Variants in PER3 observed in about 807,000 individuals in gnomAD.
PER3 encodes the protein period circadian regulator 3.
A neutral mutation model predicts 127.2 loss-of-function variants in PER3; 107 were observed. The observed-to-expected ratio is 0.84, with a 90% CI of 0.72 to 0.99. The LOEUF is 0.99. Ranked by LOEUF, PER3 falls within the 50% of genes least tolerant of loss-of-function variation. The pLI, the probability that PER3 is intolerant of heterozygous loss-of-function variation, is 0.00. For missense variants in PER3, 1,560 were observed against 1,525.8 expected (o/e 1.02, Z -0.37); for synonymous variants, 618 against 585.8 (o/e 1.05, Z -0.79).
intron 3 of PER3, 71 bp from the exon 4 acceptor site, chr1:7,786,650 A>C: frequency 2.5e-6 from 2 of 805,370 alleles, no homozygotes; most frequent in Non-Finnish European, 4.4e-6. Context: ...ATCCAGCTTG[A>C]TAGTGATGAA....
intron 13 of PER3, among the ~76,000 whole-genome samples, chr1:7,816,799 C>T (rs181672027): frequency 6.6e-6 from 1 of 152,320 alleles, no homozygotes; most frequent in Admixed American, 6.5e-5. Context: ...TACCATGTAA[C>T]TTAGCAATTC....
Position 7,784,731 on chromosome 1 carries a change from C to T in PER3, c.-147C>T, listed in dbSNP as rs144473261. 1.3e-3 allele frequency: 1,002 copies of T among 761,636 alleles called. 10 individuals are homozygous for T. The African/African-American group carries it at 0.017, about 13-fold the overall frequency. The allele number at this position is 761,636 out of a possible 1,614,324, so 47.2% of individuals were successfully genotyped here. On this transcript the variant is annotated 5_prime_UTR_variant, in exon 2 of 22. Coordinates refer to ENST00000377532, the MANE Select transcript of PER3 (RefSeq NM_001377275.1). ...AAAGCTCCTCGGAGATGAGCGTGAC[C>T]CCCTGGCTCGTGGTGGCCGCCTGTT...
intron 16 of PER3, among the ~76,000 whole-genome samples, chr1:7,822,501 C>T (rs935763457): frequency 9.2e-5 from 14 of 152,262 alleles, no homozygotes; most frequent in African/African-American, 3.4e-4. Flanking sequence ...GATCCGCCCA[C>T]CTTGGCCTCC....
At chr1:7,800,279 C>T (rs1196679691) in intron 7 of PER3, among the ~76,000 whole-genome samples, 2 of 151,572 alleles carry the variant, frequency 1.3e-5, no homozygotes, top group Non-Finnish European at 2.9e-5. Flanking sequence ...ACGATCTCAG[C>T]TCACTGCAAC....
At chr1:7,796,643 G>A (rs1185155611) in intron 6 of PER3, among the ~76,000 whole-genome samples, 1 of 152,006 alleles carries the variant, frequency 6.6e-6, no homozygotes, top group Non-Finnish European at 1.5e-5. Context: ...TGAAAGACTG[G>A]TGTTGGCTGC....
At chr1:7,821,326 T>C (rs1344864977) in intron 16 of PER3, among the ~76,000 whole-genome samples, 1 of 152,252 alleles carries the variant, frequency 6.6e-6, no homozygotes, top group African/African-American at 2.4e-5. Context: ...TGTGTGCCAC[T>C]GTCTGCTCTT....
At chr1:7,839,053 AGTTG>A (rs1312648626) in intron 21 of PER3, among the ~76,000 whole-genome samples, 2 of 151,648 alleles carry the variant, frequency 1.3e-5, no homozygotes, top group Non-Finnish European at 2.9e-5. Context: ...TTTTGTGTTT[AGTTG>A]GTTTTTTGAA....
chr1:7,794,965 A>G (rs977135656), intron 6 of PER3, among the ~76,000 whole-genome samples: 2 of 152,092 alleles, frequency 1.3e-5, no homozygotes, highest in Non-Finnish European at 2.9e-5. Flanking sequence ...TGACATTGTG[A>G]TTGCCAGTTT....
At chr1:7,798,801 C>G in intron 7 of PER3, 128 bp downstream of exon 7, 1 of 691,678 alleles carries the variant, frequency 1.4e-6, no homozygotes. Flanking sequence ...ACTCTTCAGG[C>G]ATTTGAAGCT....
At position 7,798,616 on chromosome 1, in the gene PER3, T is replaced by C. The variant is rs2097156428; in HGVS notation, c.736T>C (p.Leu246=). ...TGTACATCACCCTGCCCAGCCAGAA[T>C]TGGAATCGGAACCTTGCTGTCTCAC... ...IHVHHPAQPE[L]ESEPCCLTVV... is the part of the protein sequence containing the mutation. The change falls in exon 7 of 22, where the codon TTG becomes CTG. Residue 246 remains leucine (L), a synonymous_variant. Transcript: ENST00000377532. The C allele has an allele frequency of 1.9e-6, 3 of 1,613,714 alleles. No individual in the cohort carries two copies. The highest frequency in any genetic ancestry group is 1.1e-5 in the South Asian group (1 of 91,068).
intron 6 of PER3, among the ~76,000 whole-genome samples, chr1:7,795,317 A>G (rs1443211010): frequency 6.6e-6 from 1 of 152,208 alleles, no homozygotes; most frequent in East Asian, 1.9e-4. Flanking sequence ...CGTACCTTAA[A>G]TTCTGTGAGG....
At chr1:7,798,445 A>C in intron 6 of PER3, 80 bp from the exon 7 acceptor site, 3 of 1,106,580 alleles carry the variant, frequency 2.7e-6, no homozygotes, top group Non-Finnish European at 3.9e-6. Context: ...AATTACCAAT[A>C]AAATATTTCT....
chr1:7,804,659 CAG>C, intron 10 of PER3, among the ~76,000 whole-genome samples: 1 of 152,102 alleles, frequency 6.6e-6, no homozygotes, highest in South Asian at 2.1e-4. Flanking sequence ...CTCAGCCTCC[CAG>C]AGTGCTGGAA....
chr1:7,815,755 G>A (rs1297428995), intron 13 of PER3, among the ~76,000 whole-genome samples: 2 of 151,876 alleles, frequency 1.3e-5, no homozygotes, highest in African/African-American at 4.8e-5. Flanking sequence ...GGGGGCCGAG[G>A]TGGGCAGATC....
intron 9 of PER3, 134 bp downstream of exon 9, chr1:7,803,287 T>C (rs1323247724): frequency 1.5e-6 from 1 of 686,126 alleles, no homozygotes; most frequent in East Asian, 2.6e-5. Flanking sequence ...AATTGTTTTC[T>C]ATTTAAACAT....
Position 7,829,225 on chromosome 1 carries a change from A to G in PER3, c.2887-609A>G, listed in dbSNP as rs141877229. On this transcript the variant is annotated intron_variant, in intron 18 of 21. Coordinates refer to ENST00000377532, the MANE Select transcript of PER3 (RefSeq NM_001377275.1). ...GTATGTTTTTTCCTAAACATACTAT[A>G]CATATCTATGGTAAAGTTTAATTGA... is the stretch of plus-strand genomic sequence containing the variant. Among the ~76,000 whole-genome samples, 13 of 152,330 alleles carry G rather than the reference A, an allele frequency of 8.5e-5. No homozygotes were observed. In the East Asian group the frequency reaches 2.5e-3, roughly 29 times the overall value.
chr1:7,835,741 T>C (rs776075305), intron 19 of PER3, 21 bp from the exon 20 acceptor site: 1 of 1,564,808 alleles, frequency 6.4e-7, no homozygotes, highest in Admixed American at 1.7e-5. Context: ...TTTCTAATTA[T>C]GTGTTGTTGA....
chr1:7,810,555 C>CCGAATGGTGGTGGTGAGTCAG lies in PER3; in HGVS notation c.1512_1522+10dup. On this transcript the variant is annotated inframe_insertion, in exon 13 of 22. Transcript: ENST00000377532. Reference sequence around the variant, plus strand: ...GCCAGTGACGGGGACACGCACAGAACCGAATGGTGGTGGTGAGTCAGCGAA... The same window carrying CCGAATGGTGGTGGTGAGTCAG: ...GCCAGTGACGGGGACACGCACAGAACCGAATGGTGGTGGTGAGTCAGCGAATGGTGGTGGTGAGTCAGCGAA... 3 of 1,612,900 alleles carry CCGAATGGTGGTGGTGAGTCAG rather than the reference C, an allele frequency of 1.9e-6. No individual in the cohort carries two copies. Among genetic ancestry groups the CCGAATGGTGGTGGTGAGTCAG allele is most frequent in the African/African-American group, 1.3e-5 (1 of 74,854 alleles).
chr1:7,820,157 T>G lies in PER3; in HGVS notation c.1701T>G (p.Cys567Trp). The change falls in exon 15 of 22, where the codon TGT (cysteine) becomes TGG (tryptophan). Residue 567 changes from cysteine (C) to tryptophan (W), a missense_variant. Physicochemically the swap from Cys to Trp is radical, Grantham distance 215. Transcript: ENST00000377532. ...SYNIPALKRK[C>W]ISCTNTTSSS... ...ACATTCCAGCTTTGAAAAGAAAGTG[T>G]ATCTCCTGTACAAATACAACTTCTT... The G allele has an allele frequency of 6.2e-7, 1 of 1,613,344 alleles. No individual in the cohort carries two copies. Among genetic ancestry groups the G allele is most frequent in the Non-Finnish European group, 8.5e-7 (1 of 1,179,346 alleles).
Sources: gnomAD v4.1 joint callset for allele counts (sites outside exome capture counted in the v4.1 genomes callset) on GRCh38, gnomAD v4.1.1 for gene constraint, MANE v1.5 for transcripts, NCBI Gene and HGNC (gene_info 2026-07-23, HGNC 2026-07-21) for gene names.